The following POLR1A variants were observed in gnomAD, a reference collection of about 807,000 sequenced individuals.
POLR1A encodes the protein DNA-directed RNA polymerase I subunit RPA1.
In POLR1A, 84 loss-of-function variants were observed where a neutral mutation model predicts 205.3. The ratio of observed to expected loss-of-function variants is 0.41; its 90% confidence interval spans 0.34 to 0.49. POLR1A has a LOEUF of 0.49. Ranked by LOEUF, POLR1A falls within the 20% of genes least tolerant of loss-of-function variation. The pLI is 0.22. For missense variants in POLR1A, 1,645 were observed against 2,204.5 expected (o/e 0.75, Z 5.08); for synonymous variants, 799 against 863.7 (o/e 0.93, Z 1.31).
intron 9 of POLR1A, among the ~76,000 whole-genome samples, chr2:86,079,121 G>A (rs1263321462): frequency 1.3e-5 from 2 of 152,180 alleles, no homozygotes; most frequent in African/African-American, 2.4e-5. Context: ...TTCAGTAAAC[G>A]AGAATGTTAT....
At position 86,049,188 on chromosome 2, in the gene POLR1A, A is replaced by G. The variant is rs1672757723; in HGVS notation, c.2447T>C (p.Ile816Thr). 6.2e-7 allele frequency: 1 copy of G among 1,614,066 alleles called. No homozygotes were observed. Among genetic ancestry groups the G allele is most frequent in the Non-Finnish European group, 8.5e-7 (1 of 1,179,900 alleles). Residue 816 changes from isoleucine (I) to threonine (T), a missense_variant, in exon 17 of 34, where the codon ATT (isoleucine) becomes ACT (threonine). This residue lies in a region of POLR1A where 339 missense variants were observed against 415.1 expected (regional missense o/e 0.82). Coordinates refer to ENST00000263857, the MANE Select transcript of POLR1A (RefSeq NM_015425.6). ...PKADVKRQRI[I>T]EESTHCGPQA... ...GGGCCCGCAGTGGGTGGATTCTTCA[A>G]TGATACGTTGCCTCTTGACATCTGC...
intron 1 of POLR1A, 78 bp from the exon 2 acceptor site, chr2:86,100,250 A>T: frequency 9.1e-7 from 1 of 1,096,344 alleles, no homozygotes. Context: ...ACAAACCTAT[A>T]GTTAAGTGAT....
chr2:86,078,079 T>G (rs1673326734), intron 10 of POLR1A, 35 bp downstream of exon 10: 3 of 1,612,584 alleles, frequency 1.9e-6, no homozygotes, highest in Non-Finnish European at 1.7e-6. Flanking sequence ...ATTTATCTTC[T>G]GTAGCTAGCA....
chr2:86,101,782 C>T (rs1387444088), intron 1 of POLR1A, among the ~76,000 whole-genome samples: 1 of 152,132 alleles, frequency 6.6e-6, no homozygotes, highest in African/African-American at 2.4e-5. Context: ...AAACCCTGTA[C>T]CCATTATACA....
chr2:86,086,880 T>C (rs1483276335), intron 6 of POLR1A, among the ~76,000 whole-genome samples: 1 of 152,210 alleles, frequency 6.6e-6, no homozygotes, highest in Non-Finnish European at 1.5e-5. Flanking sequence ...AATTCCCAAC[T>C]GGTAATACAA....
intron 6 of POLR1A, among the ~76,000 whole-genome samples, chr2:86,084,729 C>T (rs1573830264): frequency 6.7e-6 from 1 of 149,158 alleles, no homozygotes; most frequent in Non-Finnish European, 1.5e-5. Context: ...TGCAGCGGCA[C>T]GATCTCAGCT....
At chr2:86,087,500 A>T (rs925364151) in intron 6 of POLR1A, among the ~76,000 whole-genome samples, 1 of 152,222 alleles carries the variant, frequency 6.6e-6, no homozygotes, top group African/African-American at 2.4e-5. Context: ...TCTATCTGCC[A>T]CTCAGAAAAA....
chr2:86,094,696 T>G (rs1673674497), intron 3 of POLR1A, among the ~76,000 whole-genome samples: 1 of 152,226 alleles, frequency 6.6e-6, no homozygotes, highest in Admixed American at 6.5e-5. Flanking sequence ...TCTTCTCTCT[T>G]TCATATATTT....
chr2:86,069,410 C>T (rs556982291), intron 13 of POLR1A, among the ~76,000 whole-genome samples: 2 of 152,308 alleles, frequency 1.3e-5, no homozygotes, highest in South Asian at 4.1e-4. Flanking sequence ...CAGGCCCCTG[C>T]CACTCCTGGC....
At chr2:86,044,740 G>GT (rs1477879378) in intron 21 of POLR1A, among the ~76,000 whole-genome samples, 23 of 152,226 alleles carry the variant, frequency 1.5e-4, no homozygotes, top group African/African-American at 9.6e-5. Flanking sequence ...ACACTAAGGG[G>GT]TATTGGGAAC....
intron 7 of POLR1A, among the ~76,000 whole-genome samples, chr2:86,082,594 T>C (rs1469685750): frequency 1.3e-5 from 2 of 151,994 alleles, no homozygotes; most frequent in Non-Finnish European, 2.9e-5. Flanking sequence ...TAAGCGCTTA[T>C]TACACAGAGG....
At position 86,081,725 on chromosome 2, in the gene POLR1A, A is replaced by T; in HGVS notation, c.818-19T>A. The T allele has an allele frequency of 6.9e-7, 1 of 1,451,620 alleles. No homozygotes were observed. Among genetic ancestry groups the T allele is most frequent in the South Asian group, 1.2e-5 (1 of 86,800 alleles). The allele number at this position is 1,451,620 out of a possible 1,614,324, so 89.9% of individuals were successfully genotyped here. ...AAGAATCCTGCGTTGGAAAGAAATA[A>T]ACCAAGAAGACCATTTAAATCTATC... On this transcript the variant is annotated intron_variant, in intron 7 of 33. Coordinates refer to ENST00000263857, the MANE Select transcript of POLR1A (RefSeq NM_015425.6).
In POLR1A at chr2:86,076,101, G is replaced by A. The variant is rs111425163; in HGVS notation, c.1381-841C>T. Among the ~76,000 whole-genome samples the A allele has an allele frequency of 5.8e-4, 89 of 152,280 alleles. 1 individual carries two copies. The highest frequency in any genetic ancestry group is 2.1e-3 in the African/African-American group (86 of 41,540). On this transcript the variant is annotated intron_variant, in intron 11 of 33. Coordinates refer to ENST00000263857, the MANE Select transcript of POLR1A (RefSeq NM_015425.6). ...TACCTAAGAAAATGCAGTGTGCTGT[G>A]TTTAAAGCTGGGCCTGGGATACGCT...
At chr2:86,048,843 T>C in intron 18 of POLR1A, 41 bp downstream of exon 18, 2 of 1,571,500 alleles carry the variant, frequency 1.3e-6, no homozygotes, top group East Asian at 4.5e-5. Context: ...AAAATCAGCA[T>C]TCATAGTGGT....
At chr2:86,074,470 G>C (rs765415008) in intron 12 of POLR1A, among the ~76,000 whole-genome samples, 2 of 152,192 alleles carry the variant, frequency 1.3e-5, no homozygotes, top group Non-Finnish European at 2.9e-5. Context: ...CAGAGCCACA[G>C]AGCTGTCACC....
Position 86,043,143 on chromosome 2 carries a change from T to G in POLR1A, c.3188A>C (p.Lys1063Thr). The G allele has an allele frequency of 2.5e-6, 4 of 1,614,128 alleles. No individual in the cohort carries two copies. The highest frequency in any genetic ancestry group is 3.3e-4 in the Middle Eastern group (2 of 6,036). The change falls in exon 23 of 34, where the codon AAA (lysine) becomes ACA (threonine). Residue 1063 changes from lysine to threonine, a missense_variant. Coordinates refer to ENST00000263857, the MANE Select transcript of POLR1A (RefSeq NM_015425.6). Reference sequence around the variant, plus strand: ...AGCTCTGAAGTGGTGGAGAGCTTTTTTGGGATCTGCTCTGGATAAAACTTC... The same window carrying G: ...AGCTCTGAAGTGGTGGAGAGCTTTTGTGGGATCTGCTCTGGATAAAACTTC... ...LHEVLSRADP[K>T]KALHHFRAIK...
intron 12 of POLR1A, among the ~76,000 whole-genome samples, chr2:86,072,578 CTT>C (rs1176506089): frequency 1.5e-4 from 23 of 152,250 alleles, no homozygotes; most frequent in Admixed American, 1.4e-3. Flanking sequence ...CTTCCTTTCT[CTT>C]GTCTCTAAAT....
At chr2:86,088,465 G>T in intron 6 of POLR1A, 101 bp downstream of exon 6, 1 of 764,282 alleles carries the variant, frequency 1.3e-6, no homozygotes, top group Non-Finnish European at 2.2e-6. Context: ...CCTCCCAAAT[G>T]CAGCAGAGAA....
In POLR1A at chr2:86,049,177, T is replaced by C; in HGVS notation, c.2458A>G (p.Thr820Ala). ...VKRQRIIEES[T>A]HCGPQAVRAA... ...CTCCTTACCTGGGGCCCGCAGTGGG[T>C]GGATTCTTCAATGATACGTTGCCTC... is the stretch of plus-strand genomic sequence containing the variant. The change falls in exon 17 of 34, where the codon ACC becomes GCC. Residue 820 changes from threonine (T) to alanine (A), a missense_variant. Thr to Ala is a moderately conservative substitution (Grantham distance 58). This residue lies in a region of POLR1A where 339 missense variants were observed against 415.1 expected (regional missense o/e 0.82). Coordinates refer to ENST00000263857, the MANE Select transcript of POLR1A (RefSeq NM_015425.6). 6.2e-7 allele frequency: 1 copy of C among 1,613,658 alleles called. No homozygotes were observed. The highest frequency in any genetic ancestry group is 8.5e-7 in the Non-Finnish European group (1 of 1,179,682).
Sources: gnomAD v4.1 joint callset for allele counts (sites outside exome capture counted in the v4.1 genomes callset) on GRCh38, gnomAD v4.1.1 for gene constraint, gnomAD v4.1.1 regional missense constraint, MANE v1.5 for transcripts, NCBI Gene and HGNC (gene_info 2026-07-23, HGNC 2026-07-21) for gene names.